The following ASF1B variants were observed in gnomAD, a reference collection of about 807,000 sequenced individuals.
ASF1B encodes anti-silencing function 1B histone chaperone.
A neutral mutation model predicts 16.6 loss-of-function variants in ASF1B; 10 were observed. The observed-to-expected ratio is 0.60, with a 90% CI of 0.37 to 1.02. The LOEUF (loss-of-function observed/expected upper bound fraction) is 1.02. ASF1B is among the 50% of genes least tolerant of loss of function. The probability of loss-of-function intolerance (pLI) is 0.01; values close to 1 mark genes in which losing one functional copy is unlikely to be tolerated. For missense variants in ASF1B, 240 were observed against 266.0 expected, an observed-to-expected ratio of 0.90 and a Z score of 0.68; for synonymous variants, 101 against 106.2, an observed-to-expected ratio of 0.95 and a Z score of 0.30.
intron 1 of ASF1B, among the ~76,000 whole-genome samples, chr19:14,132,813 A>G (rs984617871): frequency 3.9e-5 from 6 of 152,086 alleles, no homozygotes; most frequent in Middle Eastern, 3.4e-3. Context: ...GTGAGATTCC[A>G]TTTCTAATAA....
intron 1 of ASF1B, among the ~76,000 whole-genome samples, chr19:14,130,810 T>TATATATATATAA (rs74181858): frequency 6.0e-5 from 9 of 150,318 alleles, no homozygotes; most frequent in African/African-American, 2.2e-4. Context: ...TATATATATA[T>TATATATATATAA]AAATGATAAG....
Position 14,120,598 on chromosome 19 carries a change from ATGT to A in ASF1B, c.467_469del (p.Asn156del). ...GGTCTCTATGGCCTCCAGCCTGTCC[ATGT>A]TGTTGTCCCAGTTGATATGGAAGCG... On this transcript the variant is annotated inframe_deletion, in exon 4 of 4. Transcript: ENST00000263382. 1.2e-6 allele frequency: 2 copies of A among 1,614,058 alleles called. No homozygotes were observed. The highest frequency in any genetic ancestry group is 1.1e-5 in the South Asian group (1 of 91,084).
chr19:14,121,447 C>A, intron 3 of ASF1B, 85 bp downstream of exon 3: 1 of 1,445,062 alleles, frequency 6.9e-7, no homozygotes, highest in Non-Finnish European at 9.5e-7. Context: ...TAAGAAGTGA[C>A]CTTGACTCTC....
intron 1 of ASF1B, among the ~76,000 whole-genome samples, chr19:14,130,585 C>G (rs1162616628): frequency 1.3e-5 from 2 of 151,538 alleles, no homozygotes; most frequent in African/African-American, 4.9e-5. Context: ...TATAATCTTT[C>G]TTTAGAATTA....
chr19:14,135,221 C>CAAAAA (rs34683519), intron 1 of ASF1B, among the ~76,000 whole-genome samples: 1 of 54,786 alleles, frequency 1.8e-5, no homozygotes, highest in Non-Finnish European at 3.8e-5. Context: ...GAGACTGTCT[C>CAAAAA]AAAAAAAAAA....
At chr19:14,123,607 C>T (rs533211804) in intron 2 of ASF1B, among the ~76,000 whole-genome samples, 16 of 151,984 alleles carry the variant, frequency 1.1e-4, no homozygotes, top group African/African-American at 3.9e-4. Context: ...GTCTCAATCT[C>T]CTGACCTTGT....
At chr19:14,124,622 G>A (rs1013406161) in intron 2 of ASF1B, among the ~76,000 whole-genome samples, 1 of 152,114 alleles carries the variant, frequency 6.6e-6, no homozygotes, top group East Asian at 1.9e-4. Flanking sequence ...CACAGAGCAG[G>A]GAAAAACTGG....
intron 1 of ASF1B, among the ~76,000 whole-genome samples, chr19:14,126,899 G>A (rs1967326778): frequency 6.6e-6 from 1 of 152,226 alleles, no homozygotes; most frequent in Admixed American, 6.5e-5. Context: ...GAGCCACTGC[G>A]CCCGGCCACA....
rs556841205 is a variant in ASF1B, at chr19:14,121,684, T to G, written c.250A>C (p.Ile84Leu). 2.0e-5 allele frequency: 33 copies of G among 1,613,958 alleles called. No homozygotes were observed. In the Admixed American group the frequency reaches 4.7e-4, roughly 23 times the overall value. Residue 84 changes from isoleucine to leucine, a missense_variant, in exon 3 of 4, where the codon ATC (isoleucine) becomes CTC (leucine). Ile to Leu is a conservative substitution (Grantham distance 5). Coordinates refer to ENST00000263382, the MANE Select transcript of ASF1B (RefSeq NM_018154.3). ...ACACCCACGGCATCAGTCTCTGGGA[T>G]GAGGGATGGGTTGGGGGCGTCGGCC... Reference protein sequence around the residue: ...FQADAPNPSLIPETDAVGVTV... With the variant: ...FQADAPNPSLLPETDAVGVTV...
chr19:14,120,107 CAAGA>C lies in ASF1B; in HGVS notation c.*348_*351del, dbSNP rs550655067. ...GACTGGAGCCTTGACAGGCACTGAC[CAAGA>C]AAGCCTCTAGGTGGGCCAGGGAGGT... On this transcript the variant is annotated 3_prime_UTR_variant, in exon 4 of 4. Coordinates refer to ENST00000263382, the MANE Select transcript of ASF1B (RefSeq NM_018154.3). The C allele has an allele frequency of 3.7e-3, 871 of 232,694 alleles. 7 individuals are homozygous for C. The highest frequency in any genetic ancestry group is 0.019 in the African/African-American group (823 of 42,848). 14.4% of individuals were successfully genotyped at this position (232,694 alleles called of 1,614,324 possible).
At chr19:14,123,047 G>A (rs766574394) in intron 2 of ASF1B, among the ~76,000 whole-genome samples, 192 of 152,322 alleles carry the variant, frequency 1.3e-3, no homozygotes, top group Non-Finnish European at 2.2e-3. Context: ...GACCAGCCAC[G>A]TAATTGGTGC....
chr19:14,127,121 A>G (rs988221351), intron 1 of ASF1B, among the ~76,000 whole-genome samples: 3 of 152,164 alleles, frequency 2.0e-5, no homozygotes, highest in African/African-American at 7.2e-5. Flanking sequence ...TAATATGTTA[A>G]AAGACTATTA....
intron 1 of ASF1B, among the ~76,000 whole-genome samples, chr19:14,130,785 G>GTATA (rs1246902357): frequency 3.5e-5 from 4 of 115,014 alleles, no homozygotes; most frequent in East Asian, 2.3e-4. Flanking sequence ...GTGTGTTTGT[G>GTATA]TGTATATATA....
chr19:14,136,586 G>A lies in ASF1B; in HGVS notation c.-130C>T. On this transcript the variant is annotated 5_prime_UTR_variant, in exon 1 of 4. Coordinates refer to ENST00000263382, the MANE Select transcript of ASF1B (RefSeq NM_018154.3). ...CCGCCTCTTCTCTCCGAGAACTGAA[G>A]TGCGCACCTAGTCCGCGCGCCGCCT... 1 of 679,090 alleles carries A rather than the reference G, an allele frequency of 1.5e-6. No individual in the cohort carries two copies. Among genetic ancestry groups the A allele is most frequent in the Admixed American group, 3.0e-5 (1 of 33,676 alleles). The allele number at this position is 679,090 out of a possible 1,614,324, so 42.1% of individuals were successfully genotyped here. A position where few individuals can be genotyped will look rare whatever the true frequency, so the allele number is the denominator to read the frequency against.
At chr19:14,120,925 A>AT (rs1967226185) in intron 3 of ASF1B, among the ~76,000 whole-genome samples, 1 of 151,898 alleles carries the variant, frequency 6.6e-6, no homozygotes, top group Non-Finnish European at 1.5e-5. Flanking sequence ...GGTTCAAGCG[A>AT]TTCTCTTGCC....
intron 1 of ASF1B, among the ~76,000 whole-genome samples, chr19:14,127,641 A>C (rs147673419): frequency 8.3e-5 from 12 of 145,080 alleles, no homozygotes; most frequent in African/African-American, 3.3e-4. Context: ...GTGATCCTCC[A>C]AACACTTTTT....
chr19:14,126,390 C>A (rs1041778013), intron 1 of ASF1B, among the ~76,000 whole-genome samples, 153 bp from the exon 2 acceptor site: 2 of 151,962 alleles, frequency 1.3e-5, no homozygotes, highest in African/African-American at 4.8e-5. Context: ...CTGCAACTTC[C>A]GCCTCCCAGG....
intron 2 of ASF1B, 151 bp from the exon 3 acceptor site, chr19:14,121,859 A>G: frequency 1.5e-6 from 1 of 683,660 alleles, no homozygotes; most frequent in African/African-American, 1.8e-5. Flanking sequence ...CTCGGGTTCA[A>G]ACAATTCTGC....
At chr19:14,126,791 G>C (rs1302548644) in intron 1 of ASF1B, among the ~76,000 whole-genome samples, 2 of 152,146 alleles carry the variant, frequency 1.3e-5, no homozygotes, top group East Asian at 3.8e-4. Flanking sequence ...ATTTTTAGTA[G>C]AGATGGGGTT....
Sources: gnomAD v4.1 joint callset for allele counts (sites outside exome capture counted in the v4.1 genomes callset) on GRCh38, gnomAD v4.1.1 for gene constraint, MANE v1.5 for transcripts, NCBI Gene and HGNC (gene_info 2026-07-23, HGNC 2026-07-21) for gene names.